Variants in GLIS3 observed in about 807,000 individuals in gnomAD.
GLIS3 encodes the protein zinc finger protein GLIS3.
Under a neutral mutation model 78.6 loss-of-function variants are expected in GLIS3, and 53 were observed. That is an observed-to-expected ratio of 0.67 (90% CI 0.54 to 0.85). The LOEUF is 0.85. GLIS3 is among the 40% of genes least tolerant of loss of function. The pLI, the probability that GLIS3 is intolerant of heterozygous loss-of-function variation, is 0.00. For synonymous variants in GLIS3, 684 were observed against 509.9 expected (o/e 1.34, Z -4.60); for missense variants, 1,703 against 1,231.1 (o/e 1.38, Z -5.74).
chr9:4,484,404 ATTTTTTTTTTTT>A, the GLIS3 span, among the ~76,000 whole-genome samples: 5 of 49,736 alleles, frequency 1.0e-4, no homozygotes, highest in East Asian at 7.7e-4. Flanking sequence ...TGCCAGGCTA[ATTTTTTTTTTTT>A]TTTTTTTTTT....
At position 4,292,168 on chromosome 9, in the gene GLIS3, T is replaced by G. The variant is rs142577376; in HGVS notation, c.-98-5645A>C. 1.6e-3 allele frequency among the ~76,000 whole-genome samples: 237 copies of G among 152,300 alleles called. 1 individual carries two copies. Among genetic ancestry groups the G allele is most frequent in the African/African-American group, 5.5e-3 (227 of 41,574 alleles). Reference sequence around the variant, plus strand: ...ATTCAATGAAGTATTCATTTTAAAGTAGTGTTTTTCAAACTGGATTGCAAT... The same window carrying G: ...ATTCAATGAAGTATTCATTTTAAAGGAGTGTTTTTCAAACTGGATTGCAAT... On this transcript the variant is annotated intron_variant, in intron 1 of 10. Transcript: ENST00000381971.
At chr9:4,180,956 G>C (rs1817268015) in intron 2 of GLIS3, among the ~76,000 whole-genome samples, 3 of 152,174 alleles carry the variant, frequency 2.0e-5, no homozygotes, top group Admixed American at 2.0e-4. Flanking sequence ...TCCTGAATGT[G>C]ACTCTATTTT....
chr9:4,437,167 T>G, the GLIS3 span, among the ~76,000 whole-genome samples: 1 of 152,162 alleles, frequency 6.6e-6, no homozygotes. Flanking sequence ...GAAAGTGTAT[T>G]TGAATCCTTT....
intron 4 of GLIS3, among the ~76,000 whole-genome samples, chr9:3,971,619 C>G (rs1346118560): frequency 2.0e-5 from 3 of 152,126 alleles, no homozygotes; most frequent in African/African-American, 7.2e-5. Context: ...TGGGTCTAAG[C>G]ACAACAAACT....
intron 2 of GLIS3, among the ~76,000 whole-genome samples, chr9:4,140,192 C>T (rs747533459): frequency 5.6e-4 from 86 of 152,228 alleles, no homozygotes; most frequent in Middle Eastern, 3.4e-3. Flanking sequence ...GGCATGGTGG[C>T]GCGTGCCTAT....
chr9:4,098,121 T>C (rs897653441), intron 4 of GLIS3, among the ~76,000 whole-genome samples: 3 of 152,132 alleles, frequency 2.0e-5, no homozygotes, highest in South Asian at 2.1e-4. Context: ...TTGAGAGATA[T>C]GAAAATAAAA....
At chr9:4,314,326 T>G (rs1817408085) in intron 2 of GLIS3, among the ~76,000 whole-genome samples, 1 of 152,236 alleles carries the variant, frequency 6.6e-6, no homozygotes, top group Non-Finnish European at 1.5e-5. Flanking sequence ...AGGCTGCATG[T>G]CTTGGCACTG....
chr9:4,214,717 C>T (rs1384514853), intron 2 of GLIS3, among the ~76,000 whole-genome samples: 4 of 152,194 alleles, frequency 2.6e-5, no homozygotes, highest in Non-Finnish European at 5.9e-5. Context: ...GGTTATTTCA[C>T]AATTTCACTT....
intron 2 of GLIS3, among the ~76,000 whole-genome samples, chr9:4,196,726 T>A (rs111965508): frequency 0.012 from 1,892 of 152,278 alleles, 38 homozygotes; most frequent in African/African-American, 0.043. Context: ...TTTTAAGAAC[T>A]GTAACACTCA....
At chr9:3,962,799 C>T (rs936932236) in intron 4 of GLIS3, among the ~76,000 whole-genome samples, 1 of 152,082 alleles carries the variant, frequency 6.6e-6, no homozygotes. Flanking sequence ...AGGGATCCCC[C>T]ACCCCGAAAC....
chr9:4,344,535 TTC>T (rs1482426222), intron 2 of GLIS3, among the ~76,000 whole-genome samples: 3 of 152,238 alleles, frequency 2.0e-5, no homozygotes, highest in Non-Finnish European at 2.9e-5. Flanking sequence ...GCCTGTTTTC[TTC>T]TCTTTCACAC....
intron 2 of GLIS3, among the ~76,000 whole-genome samples, chr9:4,197,379 C>T (rs897094909): frequency 6.6e-6 from 1 of 152,116 alleles, no homozygotes; most frequent in Non-Finnish European, 1.5e-5. Flanking sequence ...TACAGGGAGG[C>T]ATTCTCTGCT....
chr9:4,405,111 T>C, the GLIS3 span, among the ~76,000 whole-genome samples: 1 of 152,030 alleles, frequency 6.6e-6, no homozygotes, highest in Non-Finnish European at 1.5e-5. Context: ...TCCCAGCACT[T>C]TGGGAGGCCG....
intron 2 of GLIS3, among the ~76,000 whole-genome samples, chr9:4,234,147 C>A (rs1460783875): frequency 6.6e-6 from 1 of 152,178 alleles, no homozygotes; most frequent in African/African-American, 2.4e-5. Flanking sequence ...ATTTTGCTTC[C>A]ATATCCTTCT....
intron 2 of GLIS3, among the ~76,000 whole-genome samples, chr9:4,167,547 G>C (rs562345100): frequency 6.6e-6 from 1 of 152,286 alleles, no homozygotes; most frequent in East Asian, 1.9e-4. Flanking sequence ...GCCTGACAGA[G>C]TGCTGGTACA....
At chr9:4,055,177 T>C (rs761239678) in intron 4 of GLIS3, among the ~76,000 whole-genome samples, 3 of 152,204 alleles carry the variant, frequency 2.0e-5, no homozygotes, top group Non-Finnish European at 4.4e-5. Context: ...TCCTTGCTTC[T>C]CAGCATATGG....
chr9:3,907,655 C>CACACACACACA (rs758113264), intron 6 of GLIS3, among the ~76,000 whole-genome samples: 51 of 146,348 alleles, frequency 3.5e-4, no homozygotes, highest in Admixed American at 2.2e-3. Flanking sequence ...CACACACACA[C>CACACACACACA]TACTAAACAG....
chr9:4,433,214 C>G, the GLIS3 span, among the ~76,000 whole-genome samples: 1 of 152,190 alleles, frequency 6.6e-6, no homozygotes, highest in Non-Finnish European at 1.5e-5. Context: ...GGCAGATCAC[C>G]TGAGGTCAGG....
upstream of GLIS3, among the ~76,000 whole-genome samples, chr9:4,350,209 A>G (rs892242895): frequency 6.6e-6 from 1 of 152,212 alleles, no homozygotes; most frequent in African/African-American, 2.4e-5. Context: ...CCACCACCGC[A>G]TGGCCATGTT....
Sources: gnomAD v4.1 joint callset for allele counts (sites outside exome capture counted in the v4.1 genomes callset) on GRCh38, gnomAD v4.1.1 for gene constraint, MANE v1.5 for transcripts, NCBI Gene and HGNC (gene_info 2026-07-23, HGNC 2026-07-21) for gene names.